Variants in SLC44A3 observed in about 807,000 individuals in gnomAD.
SLC44A3 encodes the protein solute carrier family 44 member 3, also known as choline transporter-like protein 3.
In SLC44A3, 74 loss-of-function variants were observed where a neutral mutation model predicts 75.4. That is an observed-to-expected ratio of 0.98 (90% confidence interval 0.81 to 1.19). The LOEUF is 1.19. Among genes scored for constraint, SLC44A3 ranks in the 50% most tolerant of loss-of-function variants. The pLI, the probability that SLC44A3 is intolerant of heterozygous loss-of-function variation, is 0.00. For synonymous variants in SLC44A3, 310 were observed against 296.9 expected (o/e 1.04, Z -0.45); for missense variants, 700 against 778.6 (o/e 0.90, Z 1.20).
intron 9 of SLC44A3, among the ~76,000 whole-genome samples, chr1:94,853,610 C>G (rs1192625731): frequency 1.3e-5 from 2 of 152,092 alleles, no homozygotes. Context: ...TGGGAGAGGA[C>G]TCAGATTATG....
At position 94,892,428 on chromosome 1, in the gene SLC44A3, C is replaced by A. The variant is rs753807031; in HGVS notation, c.1768C>A (p.Leu590Met). ...HSFLSVFETV[L>M]DALFLCFAVD... ...TTTTTTATCTGTGTTTGAAACTGTGCTGGATGCACTTTTCCTGTGTTTTGC... is the reference window on the plus strand; with the variant it reads ...TTTTTTATCTGTGTTTGAAACTGTGATGGATGCACTTTTCCTGTGTTTTGC... The change falls in exon 14 of 15, where the codon CTG becomes ATG. Residue 590 changes from leucine (L) to methionine (M), a missense_variant. Leu to Met is a conservative substitution (Grantham distance 15). Transcript: ENST00000271227. 6.2e-6 allele frequency: 10 copies of A among 1,614,024 alleles called. No homozygotes were observed. The South Asian group carries it at 7.7e-5, about 12-fold the overall frequency.
At chr1:94,855,868 A>G (rs1263419983) in intron 9 of SLC44A3, among the ~76,000 whole-genome samples, 2 of 152,222 alleles carry the variant, frequency 1.3e-5, no homozygotes, top group Non-Finnish European at 2.9e-5. Context: ...TCTTCAAGCT[A>G]TAGGTTTCAC....
At chr1:94,826,637 CAAAA>C (rs34931563) in intron 3 of SLC44A3, among the ~76,000 whole-genome samples, 5 of 127,976 alleles carry the variant, frequency 3.9e-5, no homozygotes, top group Admixed American at 7.8e-5. Flanking sequence ...GACTCTGTCT[CAAAA>C]AAAAAAAAAA....
At chr1:94,853,889 G>A (rs1050182401) in intron 9 of SLC44A3, among the ~76,000 whole-genome samples, 1 of 137,842 alleles carries the variant, frequency 7.3e-6, no homozygotes, top group East Asian at 2.2e-4. Context: ...CTCATTTATT[G>A]TTCCGCCTAA....
At chr1:94,844,539 G>A (rs1009739519) in intron 8 of SLC44A3, among the ~76,000 whole-genome samples, 2 of 152,212 alleles carry the variant, frequency 1.3e-5, no homozygotes, top group Admixed American at 6.5e-5. Context: ...AAAATGTTTC[G>A]AGAAAAGAGG....
At chr1:94,843,985 G>A (rs1664058357) in intron 8 of SLC44A3, among the ~76,000 whole-genome samples, 1 of 152,106 alleles carries the variant, frequency 6.6e-6, no homozygotes, top group African/African-American at 2.4e-5. Context: ...GAAACAGAGA[G>A]GAAAGGAAGG....
chr1:94,856,192 A>G (rs1665849600), intron 9 of SLC44A3, among the ~76,000 whole-genome samples: 1 of 152,178 alleles, frequency 6.6e-6, no homozygotes, highest in African/African-American at 2.4e-5. Flanking sequence ...GTAATAAACC[A>G]TTATCACTTA....
rs1336408337 is a variant in SLC44A3, at chr1:94,895,001, GAA to G, written c.*82_*83del. The stretch of plus-strand genomic sequence containing the variant: ...CAGAATAGAAGATGAGACCACTAGA[GAA>G]AAGTTAGTGAATTTTTTTTTAAAAG... On this transcript the variant is annotated 3_prime_UTR_variant, in exon 15 of 15. Coordinates refer to ENST00000271227, the MANE Select transcript of SLC44A3 (RefSeq NM_001114106.3). 1.3e-5 allele frequency: 15 copies of G among 1,125,836 alleles called. No individual in the cohort carries two copies. The highest frequency in any genetic ancestry group is 1.9e-5 in the Non-Finnish European group (15 of 792,318). 69.7% of individuals were successfully genotyped at this position (1,125,836 alleles called of 1,614,324 possible).
At chr1:94,875,639 C>CT (rs377737766) in intron 12 of SLC44A3, among the ~76,000 whole-genome samples, 45 of 83,820 alleles carry the variant, frequency 5.4e-4, no homozygotes, top group African/African-American at 1.7e-3. Context: ...TGGAGGAGGC[C>CT]ATGCTCATGG....
intron 9 of SLC44A3, among the ~76,000 whole-genome samples, chr1:94,846,845 G>A (rs916160058): frequency 6.6e-6 from 1 of 152,224 alleles, no homozygotes; most frequent in African/African-American, 2.4e-5. Flanking sequence ...TCCCTTACTG[G>A]CTCCAGTCAT....
chr1:94,832,398 G>T (rs1215356969), intron 5 of SLC44A3, among the ~76,000 whole-genome samples: 1 of 151,766 alleles, frequency 6.6e-6, no homozygotes, highest in African/African-American at 2.4e-5. Context: ...GTATACTTTT[G>T]CATAAAAAGT....
At chr1:94,825,743 C>T in intron 3 of SLC44A3, 1 of 421,276 alleles carries the variant, frequency 2.4e-6, no homozygotes, top group South Asian at 1.7e-5. Flanking sequence ...TCAGACTAAG[C>T]CTCTTATCCT....
At chr1:94,877,423 G>A (rs1370813305) in intron 12 of SLC44A3, among the ~76,000 whole-genome samples, 1 of 152,110 alleles carries the variant, frequency 6.6e-6, no homozygotes, top group Non-Finnish European at 1.5e-5. Context: ...CTTAACTGGG[G>A]GAATGAGCAC....
At chr1:94,893,346 T>A (rs1670426391) in intron 14 of SLC44A3, among the ~76,000 whole-genome samples, 1 of 152,176 alleles carries the variant, frequency 6.6e-6, no homozygotes, top group African/African-American at 2.4e-5. Flanking sequence ...AATTAATGTA[T>A]CCTCATCCTT....
At chr1:94,837,401 A>G (rs9432391) in intron 5 of SLC44A3, among the ~76,000 whole-genome samples, 14,316 of 152,292 alleles carry the variant, frequency 0.094, 837 homozygotes, top group Non-Finnish European at 0.13. Context: ...TGAAGTTTAT[A>G]TATATCAAAA....
chr1:94,867,493 G>A (rs1357278475), intron 12 of SLC44A3, 76 bp downstream of exon 12: 22 of 1,253,618 alleles, frequency 1.8e-5, no homozygotes, highest in Non-Finnish European at 2.1e-5. Context: ...TCAAGGTTTG[G>A]CAAATTCTTC....
chr1:94,868,314 T>G (rs991468543), intron 12 of SLC44A3, among the ~76,000 whole-genome samples: 1 of 152,212 alleles, frequency 6.6e-6, no homozygotes, highest in Non-Finnish European at 1.5e-5. Flanking sequence ...CCCAAAGAAA[T>G]GTACCTTTAG....
At chr1:94,838,891 G>A (rs1663179059) in intron 6 of SLC44A3, 2 of 152,180 alleles carry the variant, frequency 1.3e-5, no homozygotes. Flanking sequence ...ATTCATAATG[G>A]TATTAACAGC....
chr1:94,820,722 A>G, intron 1 of SLC44A3: 2 of 1,389,602 alleles, frequency 1.4e-6, no homozygotes, highest in Non-Finnish European at 1.9e-6. Context: ...GTGCACCTCC[A>G]GGTAAGCACT....
Sources: gnomAD v4.1 joint callset for allele counts (sites outside exome capture counted in the v4.1 genomes callset) on GRCh38, gnomAD v4.1.1 for gene constraint, MANE v1.5 for transcripts, NCBI Gene and HGNC (gene_info 2026-07-23, HGNC 2026-07-21) for gene names.